The following RUFY3 variants were observed in gnomAD, a reference collection of about 807,000 sequenced individuals.
The protein encoded by RUFY3 is protein RUFY3.
Under a neutral mutation model 84.0 loss-of-function variants are expected in RUFY3, and 34 were observed. The observed-to-expected ratio is 0.40, with a 90% CI of 0.31 to 0.54. The LOEUF (loss-of-function observed/expected upper bound fraction) is 0.54. Among genes scored for constraint, RUFY3 ranks in the 20% least tolerant of loss-of-function variants. RUFY3 has a pLI of 0.39. For missense variants in RUFY3, 507 were observed against 736.8 expected (o/e 0.69, Z 3.61); for synonymous variants, 242 against 252.9 (o/e 0.96, Z 0.41).
intron 1 of RUFY3, among the ~76,000 whole-genome samples, chr4:70,751,283 A>G (rs779091516): frequency 3.3e-5 from 5 of 152,164 alleles, no homozygotes; most frequent in Non-Finnish European, 7.3e-5. Context: ...ACATGTTTTC[A>G]TATTGAAAAT....
intron 1 of RUFY3, among the ~76,000 whole-genome samples, chr4:70,715,588 C>CAAAAAAAAAAAAAAAAAAA (rs886636641): frequency 2.1e-5 from 1 of 46,666 alleles, no homozygotes. Flanking sequence ...ACACTATCTC[C>CAAAAAAAAAAAAAAAAAAA]AAAAAAAAAA....
intron 4 of RUFY3, among the ~76,000 whole-genome samples, chr4:70,766,447 G>A (rs1040114999): frequency 7.9e-5 from 12 of 152,050 alleles, no homozygotes; most frequent in East Asian, 1.9e-4. Context: ...GTTTCACCAC[G>A]TTGGCCAGGC....
intron 1 of RUFY3, among the ~76,000 whole-genome samples, chr4:70,733,798 A>G (rs1296529259): frequency 1.3e-5 from 2 of 152,174 alleles, no homozygotes; most frequent in African/African-American, 2.4e-5. Context: ...ATAAAAATTG[A>G]TTATCTCTGG....
chr4:70,774,521 C>T (rs889686846), intron 6 of RUFY3, among the ~76,000 whole-genome samples: 6 of 142,972 alleles, frequency 4.2e-5, no homozygotes, highest in Non-Finnish European at 7.5e-5. Context: ...AGGCTGAGGC[C>T]GGAGAATTGC....
chr4:70,787,185 A>AT (rs1304479411), intron 10 of RUFY3, among the ~76,000 whole-genome samples: 127 of 119,130 alleles, frequency 1.1e-3, no homozygotes, highest in African/African-American at 3.0e-3. Context: ...AAAAAAAAAA[A>AT]AAATATATAT....
chr4:70,758,055 CA>C (rs1724334689), intron 1 of RUFY3, among the ~76,000 whole-genome samples: 1 of 152,118 alleles, frequency 6.6e-6, no homozygotes, highest in African/African-American at 2.4e-5. Context: ...GTTAAAAGTA[CA>C]AAATACACAG....
intron 1 of RUFY3, among the ~76,000 whole-genome samples, chr4:70,757,039 G>A (rs1400061090): frequency 6.6e-6 from 1 of 152,094 alleles, no homozygotes; most frequent in East Asian, 1.9e-4. Context: ...GGGAGGCTGA[G>A]GTGAGAGGAT....
intron 10 of RUFY3, among the ~76,000 whole-genome samples, chr4:70,785,908 C>G (rs1729716015): frequency 6.6e-6 from 1 of 152,072 alleles, no homozygotes; most frequent in African/African-American, 2.4e-5. Context: ...GGGGATATAT[C>G]CAAAGGAAAT....
At chr4:70,792,461 A>C (rs1396947773) in intron 12 of RUFY3, 1 of 985,194 alleles carries the variant, frequency 1.0e-6, no homozygotes, top group East Asian at 1.1e-4. Flanking sequence ...ACCACAGACT[A>C]ACCCTTTCTA....
At chr4:70,737,390 T>C (rs993449042) in intron 1 of RUFY3, among the ~76,000 whole-genome samples, 2 of 152,220 alleles carry the variant, frequency 1.3e-5, no homozygotes, top group Non-Finnish European at 1.5e-5. Flanking sequence ...TTCTTTCTTA[T>C]ACAGATATAA....
chr4:70,759,181 A>G (rs918638341), intron 1 of RUFY3, among the ~76,000 whole-genome samples: 1 of 152,264 alleles, frequency 6.6e-6, no homozygotes, highest in Non-Finnish European at 1.5e-5. Context: ...TCATTTTCTA[A>G]TAATCACAAT....
intron 1 of RUFY3, chr4:70,705,343 G>C: frequency 5.6e-6 from 7 of 1,257,144 alleles, no homozygotes; most frequent in Non-Finnish European, 7.1e-6. Flanking sequence ...GGAGCATTCG[G>C]CTGGGGAGGG....
At chr4:70,785,927 T>C (rs1304072302) in intron 10 of RUFY3, among the ~76,000 whole-genome samples, 1 of 152,156 alleles carries the variant, frequency 6.6e-6, no homozygotes, top group Non-Finnish European at 1.5e-5. Context: ...ATGAAATCAG[T>C]ATGTCAGAGA....
chr4:70,715,404 C>T (rs559812787), intron 1 of RUFY3, among the ~76,000 whole-genome samples: 2 of 151,558 alleles, frequency 1.3e-5, no homozygotes, highest in Admixed American at 1.3e-4. Flanking sequence ...GCCAACATGG[C>T]GAAACCCTGT....
intron 7 of RUFY3, among the ~76,000 whole-genome samples, chr4:70,775,514 C>A (rs1476510926): frequency 6.6e-6 from 1 of 151,794 alleles, no homozygotes; most frequent in African/African-American, 2.4e-5. Context: ...TAGATAAATA[C>A]GTAAATACAT....
rs146483598 is a variant in RUFY3, at chr4:70,765,713, C to T, written c.572+1137C>T. Among the ~76,000 whole-genome samples, 920 of 151,834 alleles carry T rather than the reference C, an allele frequency of 6.1e-3. 4 individuals carry two copies. The highest frequency in any genetic ancestry group is 0.014 in the Middle Eastern group (4 of 290). The stretch of plus-strand genomic sequence containing the variant: ...TTTGAGAGAAACAGTAAATTTGCAG[C>T]TCATTCACTTGCTGTTTTTGTGCTA... On this transcript the variant is annotated intron_variant, in intron 4 of 17. Coordinates refer to ENST00000381006, the MANE Select transcript of RUFY3 (RefSeq NM_001037442.4).
At chr4:70,794,915 G>A (rs761782001) in intron 14 of RUFY3, 21 bp downstream of exon 14, 19 of 1,470,646 alleles carry the variant, frequency 1.3e-5, no homozygotes, top group African/African-American at 2.8e-5. Context: ...CTATTCCCTT[G>A]TTCTTTTACT....
chr4:70,798,742 G>A (rs1731841586), intron 14 of RUFY3, among the ~76,000 whole-genome samples: 2 of 151,840 alleles, frequency 1.3e-5, no homozygotes, highest in African/African-American at 4.8e-5. Context: ...GGAGGCAGAG[G>A]TTGCAGCGAG....
At chr4:70,755,104 G>A (rs1723779541) in intron 1 of RUFY3, among the ~76,000 whole-genome samples, 1 of 152,042 alleles carries the variant, frequency 6.6e-6, no homozygotes, top group African/African-American at 2.4e-5. Context: ...AGGTTTCACT[G>A]TGTTGGCTAG....
Sources: allele counts gnomAD v4.1 joint callset (sites outside exome capture counted in the v4.1 genomes callset), GRCh38; gene constraint gnomAD v4.1.1; transcripts MANE v1.5; gene names NCBI Gene and HGNC (gene_info 2026-07-23, HGNC 2026-07-21).